Variants in WDR17 observed in about 807,000 individuals in gnomAD.
WDR17 encodes the protein WD repeat-containing protein 17.
A neutral mutation model predicts 161.7 loss-of-function variants in WDR17; 143 were observed. The ratio of observed to expected loss-of-function variants is 0.88; its 90% CI spans 0.77 to 1.02. The LOEUF is 1.02. WDR17 is among the 50% of genes least tolerant of loss of function. The pLI is 0.00. For missense variants in WDR17, 1,469 were observed against 1,520.9 expected (o/e 0.97, Z 0.57); for synonymous variants, 517 against 515.6 (o/e 1.00, Z -0.04).
chr4:176,131,374 A>C (rs1354231234), intron 6 of WDR17, among the ~76,000 whole-genome samples, 180 bp from the exon 7 acceptor site: 1 of 151,998 alleles, frequency 6.6e-6, no homozygotes, highest in Non-Finnish European at 1.5e-5. Context: ...AATAATATCC[A>C]ATTTTGTGCT....
chr4:176,112,863 TAA>T (rs1009579826), intron 2 of WDR17, among the ~76,000 whole-genome samples: 1 of 152,136 alleles, frequency 6.6e-6, no homozygotes, highest in Admixed American at 6.5e-5. Context: ...TTATTTTAGT[TAA>T]GACTATCTTG....
At chr4:176,139,396 T>G (rs958421689) in intron 9 of WDR17, among the ~76,000 whole-genome samples, 3 of 151,962 alleles carry the variant, frequency 2.0e-5, no homozygotes, top group Non-Finnish European at 4.4e-5. Flanking sequence ...TAAAGTGATT[T>G]ATTATAGGAA....
At chr4:176,133,954 T>C (rs1447555531) in intron 7 of WDR17, among the ~76,000 whole-genome samples, 2 of 151,722 alleles carry the variant, frequency 1.3e-5, no homozygotes, top group Non-Finnish European at 3.0e-5. Context: ...TGAATTTTCT[T>C]ATTTCAAAAA....
rs902686601 is a variant in WDR17 at position 176,146,010 on chromosome 4, T to G, written c.1545T>G (p.Thr515=). The G allele has an allele frequency of 3.7e-6, 6 of 1,613,522 alleles. No individual in the cohort carries two copies. The highest frequency in any genetic ancestry group is 1.6e-4 in the Middle Eastern group (1 of 6,080). The change falls in exon 12 of 29, where the codon ACT becomes ACG. Residue 515 remains threonine (T), a synonymous_variant. Coordinates refer to ENST00000508596, the MANE Select transcript of WDR17 (RefSeq NM_181265.4). ...WSQNNKDMIA[T]GCEDTNVRVY... ...GATATTTCAGAGACATGATAGCCACTGGCTGTGAAGACACAAATGTTCGTG... is the reference window on the plus strand; with the variant it reads ...GATATTTCAGAGACATGATAGCCACGGGCTGTGAAGACACAAATGTTCGTG...
intron 23 of WDR17, among the ~76,000 whole-genome samples, chr4:176,171,778 T>TC (rs1428903599): frequency 1.3e-5 from 2 of 151,970 alleles, no homozygotes; most frequent in Non-Finnish European, 2.9e-5. Flanking sequence ...AAAAGATTTT[T>TC]TTTTAATGAG....
chr4:176,076,696 GT>G (rs899378753), intron 1 of WDR17, among the ~76,000 whole-genome samples: 1 of 150,264 alleles, frequency 6.7e-6, no homozygotes, highest in African/African-American at 2.4e-5. Context: ...GTTGTCTTTT[GT>G]TTTTTTCATA....
At chr4:176,151,992 A>T in intron 17 of WDR17, 25 bp downstream of exon 17, 2 of 1,602,468 alleles carry the variant, frequency 1.2e-6, no homozygotes, top group Non-Finnish European at 1.7e-6. Flanking sequence ...AAGTAAAACT[A>T]ATGAGTTTAA....
rs1746863848 is a variant in WDR17, at chr4:176,150,034, G to A, written c.2048-9G>A. 6.2e-7 allele frequency: 1 copy of A among 1,613,144 alleles called. No homozygotes were observed. The highest frequency in any genetic ancestry group is 1.7e-5 in the Admixed American group (1 of 59,830). On this transcript the variant is annotated splice_polypyrimidine_tract_variant and intron_variant, in intron 14 of 28. Transcript: ENST00000508596. ...AATCTTTTCTCACTGAATTATGTCTGTTCTTCAGATTATGCTATAGAACCA... is the reference window on the plus strand; with the variant it reads ...AATCTTTTCTCACTGAATTATGTCTATTCTTCAGATTATGCTATAGAACCA...
At chr4:176,089,447 CAG>C (rs1484535889) in intron 1 of WDR17, among the ~76,000 whole-genome samples, 1 of 152,168 alleles carries the variant, frequency 6.6e-6, no homozygotes, top group Non-Finnish European at 1.5e-5. Context: ...CCCAGTTTAT[CAG>C]AGTCTGGTTC....
Position 176,134,159 on chromosome 4 carries a change from TTA to T in WDR17, c.1099-948_1099-947del, listed in dbSNP as rs1744004921. Among the ~76,000 whole-genome samples, 6 of 151,798 alleles carry T rather than the reference TTA, an allele frequency of 4.0e-5. No individual in the cohort carries two copies. The South Asian group carries it at 1.2e-3, about 31-fold the overall frequency. On this transcript the variant is annotated intron_variant, in intron 7 of 28. Coordinates refer to ENST00000508596, the MANE Select transcript of WDR17 (RefSeq NM_181265.4). ...TTTACCTCCACCTAAAGGAGAAACT[TTA>T]CGAGTACTTTTGTAGTTTCCTAAGG...
intron 6 of WDR17, among the ~76,000 whole-genome samples, chr4:176,129,302 C>T (rs981454121): frequency 1.3e-5 from 2 of 152,074 alleles, no homozygotes; most frequent in African/African-American, 4.8e-5. Context: ...ATACATATTA[C>T]ATATTTGAAT....
intron 16 of WDR17, 26 bp from the exon 17 acceptor site, chr4:176,151,786 A>G (rs766931117): frequency 1.3e-6 from 2 of 1,540,244 alleles, no homozygotes; most frequent in African/African-American, 2.8e-5. Context: ...AAATTTTTTT[A>G]AATTCTATTT....
chr4:176,161,481 G>T (rs1217134219), intron 20 of WDR17, among the ~76,000 whole-genome samples: 2 of 152,090 alleles, frequency 1.3e-5, no homozygotes, highest in Non-Finnish European at 2.9e-5. Flanking sequence ...ATGGAAATGA[G>T]AATTTTTCAG....
intron 7 of WDR17, among the ~76,000 whole-genome samples, chr4:176,134,361 A>G (rs906982879): frequency 6.6e-6 from 1 of 151,722 alleles, no homozygotes; most frequent in Admixed American, 6.6e-5. Context: ...ATTCCCCAGC[A>G]TTTAGAATAG....
In WDR17 at chr4:176,160,086, T is replaced by C. The variant is rs1402140326; in HGVS notation, c.2618T>C (p.Met873Thr). 1 of 1,613,990 alleles carries C rather than the reference T, an allele frequency of 6.2e-7. No homozygotes were observed. Reference sequence around the variant, plus strand: ...GTGAAAAAGCTAGTCCATTTTTTCATGTCAAGAGGTCAGCTTAAAGAAGCT... The same window carrying C: ...GTGAAAAAGCTAGTCCATTTTTTCACGTCAAGAGGTCAGCTTAAAGAAGCT... ...GDVKKLVHFF[M>T]SRGQLKEALL... Residue 873 changes from methionine to threonine, a missense_variant, in exon 19 of 29, where the codon ATG (methionine) becomes ACG (threonine). Met to Thr is a moderately conservative substitution (Grantham distance 81, BLOSUM62 -1). Transcript: ENST00000508596.
intron 1 of WDR17, among the ~76,000 whole-genome samples, chr4:176,099,392 G>A (rs1354308456): frequency 6.6e-6 from 1 of 152,130 alleles, no homozygotes; most frequent in African/African-American, 2.4e-5. Context: ...ATATGGTCAG[G>A]TCTGAGGGTT....
chr4:176,130,579 C>T (rs1303322296), intron 6 of WDR17, among the ~76,000 whole-genome samples: 1 of 140,388 alleles, frequency 7.1e-6, no homozygotes, highest in East Asian at 2.0e-4. Flanking sequence ...CCTGTCTCTA[C>T]TAAAAATACA....
In WDR17 at chr4:176,139,922, T is replaced by G. The variant is rs1395615950; in HGVS notation, c.1390T>G (p.Trp464Gly). 1 of 1,612,004 alleles carries G rather than the reference T, an allele frequency of 6.2e-7. No homozygotes were observed. Among genetic ancestry groups the G allele is most frequent in the Non-Finnish European group, 8.5e-7 (1 of 1,178,722 alleles). Residue 464 changes from tryptophan to glycine, a missense_variant, in exon 10 of 29, where the codon TGG becomes GGG. Trp to Gly is a radical substitution (Grantham distance 184). Coordinates refer to ENST00000508596, the MANE Select transcript of WDR17 (RefSeq NM_181265.4). ...HGTNGIFCIA[W>G]SHKDSKRIAT... ...AACAAATGGAATATTCTGCATTGCC[T>G]GGAGTCATAAAGATTCTAAAAGAAT...
intron 6 of WDR17, among the ~76,000 whole-genome samples, chr4:176,130,567 ACC>A (rs1463616418): frequency 1.3e-5 from 2 of 150,780 alleles, no homozygotes; most frequent in African/African-American, 4.9e-5. Flanking sequence ...ACACAGTGAA[ACC>A]CTGTCTCTAC....
Sources: allele counts gnomAD v4.1 joint callset (sites outside exome capture counted in the v4.1 genomes callset), GRCh38; gene constraint gnomAD v4.1.1; transcripts MANE v1.5; gene names NCBI Gene and HGNC (gene_info 2026-07-23, HGNC 2026-07-21).